PCDH9: variants seen among roughly 807,000 people sequenced by gnomAD.
The protein encoded by PCDH9 is protocadherin-9.
PCDH9 carries 24 observed loss-of-function variants against 70.6 expected under a neutral mutation model. That is an observed-to-expected ratio of 0.34 (90% CI 0.25 to 0.48). The LOEUF (loss-of-function observed/expected upper bound fraction) is 0.48. PCDH9 is among the 20% of genes least tolerant of loss of function. The pLI is 0.99. For synonymous variants in PCDH9, 562 were observed against 558.5 expected (o/e 1.01, Z -0.09); for missense variants, 1,281 against 1,503.6 (o/e 0.85, Z 2.45).
chr13:66,511,421 C>A (rs1355259172), intron 4 of PCDH9, among the ~76,000 whole-genome samples: 1 of 152,110 alleles, frequency 6.6e-6, no homozygotes, highest in East Asian at 1.9e-4. Context: ...ATCACACATA[C>A]CTCATGGGAT....
In PCDH9 at chr13:66,623,936, C is replaced by G. The variant is rs1287524897; in HGVS notation, c.3340+7274G>C. Among the ~76,000 whole-genome samples the G allele has an allele frequency of 3.3e-5, 5 of 152,110 alleles. No homozygotes were observed. The East Asian group carries it at 9.6e-4, about 29-fold the overall frequency. ...AAACTATACTCAGTGAGAAGTTCATCAACTGATTAGTAACATAGTCTAGAT... is the reference window on the plus strand; with the variant it reads ...AAACTATACTCAGTGAGAAGTTCATGAACTGATTAGTAACATAGTCTAGAT... On this transcript the variant is annotated intron_variant, in intron 4 of 4. Coordinates refer to ENST00000377865, the MANE Select transcript of PCDH9 (RefSeq NM_203487.3).
chr13:66,580,398 T>A (rs996294269), intron 4 of PCDH9, among the ~76,000 whole-genome samples: 1 of 151,998 alleles, frequency 6.6e-6, no homozygotes, highest in Admixed American at 6.6e-5. Context: ...CCTGGGAAAT[T>A]GCCAATAAAT....
At position 66,335,810 on chromosome 13, in the gene PCDH9, C is replaced by A. The variant is rs533513038; in HGVS notation, c.3341-30782G>T. 9.9e-5 allele frequency among the ~76,000 whole-genome samples: 15 copies of A among 152,196 alleles called. No individual in the cohort carries two copies. The East Asian group carries it at 2.9e-3, about 29-fold the overall frequency. On this transcript the variant is annotated intron_variant, in intron 4 of 4. Coordinates refer to ENST00000377865, the MANE Select transcript of PCDH9 (RefSeq NM_203487.3). ...TAAATAAGAGGAACTTGACTATTTT[C>A]TTCATAAACCAGTAACATATTAGTA...
intron 2 of PCDH9, among the ~76,000 whole-genome samples, chr13:67,129,484 G>A (rs1189490729): frequency 6.6e-6 from 1 of 151,972 alleles, no homozygotes; most frequent in Non-Finnish European, 1.5e-5. Flanking sequence ...TTGAGTCCAG[G>A]ATTTTTGGGC....
chr13:66,825,808 G>A (rs117167904), intron 3 of PCDH9, among the ~76,000 whole-genome samples: 209 of 152,166 alleles, frequency 1.4e-3, no homozygotes, highest in Non-Finnish European at 1.7e-3. Context: ...CAAGAATATG[G>A]CTGATAGACA....
chr13:67,212,085 A>G (rs1338142065), intron 2 of PCDH9: 1 of 152,132 alleles, frequency 6.6e-6, no homozygotes, highest in Non-Finnish European at 1.5e-5. Flanking sequence ...AAAAAAATGA[A>G]GTTTTACTTG....
intron 4 of PCDH9, among the ~76,000 whole-genome samples, chr13:66,564,151 A>G (rs1484207560): frequency 1.3e-5 from 2 of 152,060 alleles, no homozygotes; most frequent in Non-Finnish European, 2.9e-5. Context: ...CACTTGTTTC[A>G]ATGTTTTATG....
At chr13:67,168,689 C>A (rs1282497744) in intron 2 of PCDH9, among the ~76,000 whole-genome samples, 1 of 152,148 alleles carries the variant, frequency 6.6e-6, no homozygotes, top group African/African-American at 2.4e-5. Context: ...TGTGTTCAGG[C>A]CACTGCAGTC....
chr13:67,194,161 G>T (rs777329534), intron 2 of PCDH9, among the ~76,000 whole-genome samples: 91 of 152,070 alleles, frequency 6.0e-4, no homozygotes, highest in Non-Finnish European at 9.0e-4. Flanking sequence ...TGCCAATTTT[G>T]TGCCAGATAC....
intron 2 of PCDH9, among the ~76,000 whole-genome samples, chr13:67,036,561 A>T (rs973640493): frequency 6.6e-6 from 1 of 152,206 alleles, no homozygotes; most frequent in African/African-American, 2.4e-5. Flanking sequence ...TGAAATGAAC[A>T]GTAGTAGATA....
At position 66,355,605 on chromosome 13, in the gene PCDH9, T is replaced by C. The variant is rs914853595; in HGVS notation, c.3341-50577A>G. On this transcript the variant is annotated intron_variant, in intron 4 of 4. Coordinates refer to ENST00000377865, the MANE Select transcript of PCDH9 (RefSeq NM_203487.3). ...GAGCACATGTGTTAGATCAGCTTTGTTCAGGCATGAGCTATCGTACTGTTG... is the reference window on the plus strand; with the variant it reads ...GAGCACATGTGTTAGATCAGCTTTGCTCAGGCATGAGCTATCGTACTGTTG... 5.9e-5 allele frequency among the ~76,000 whole-genome samples: 9 copies of C among 152,140 alleles called. No individual in the cohort carries two copies. The East Asian group carries it at 1.7e-3, about 29-fold the overall frequency.
At chr13:66,498,151 A>T (rs4884676) in intron 4 of PCDH9, among the ~76,000 whole-genome samples, 111,524 of 141,988 alleles carry the variant, frequency 0.79, 42,267 homozygotes, top group East Asian at 0.91. Context: ...TATTATTATT[A>T]TTTTTTTTTT....
Position 66,797,443 on chromosome 13 carries a change from C to T in PCDH9, c.3138+106061G>A, listed in dbSNP as rs565427395. Among the ~76,000 whole-genome samples the T allele has an allele frequency of 1.4e-4, 21 of 152,270 alleles. No homozygotes were observed. In the East Asian group the frequency reaches 2.1e-3, roughly 15 times the overall value. On this transcript the variant is annotated intron_variant, in intron 3 of 4. Coordinates refer to ENST00000377865, the MANE Select transcript of PCDH9 (RefSeq NM_203487.3). ...TCTTTCAGTTGTTCATCTTTGTCTG[C>T]TTTACGGTTATTAGAGAATAAATTC...
chr13:66,882,299 A>C (rs905488589), intron 3 of PCDH9, among the ~76,000 whole-genome samples: 1 of 152,142 alleles, frequency 6.6e-6, no homozygotes, highest in Non-Finnish European at 1.5e-5. Context: ...CTTCTCCTCC[A>C]TAAATAATAT....
chr13:66,435,420 A>C (rs1055553020), intron 4 of PCDH9, among the ~76,000 whole-genome samples: 1 of 152,178 alleles, frequency 6.6e-6, no homozygotes, highest in Non-Finnish European at 1.5e-5. Flanking sequence ...CAAAGCTAGT[A>C]ATTCAATATA....
intron 2 of PCDH9, among the ~76,000 whole-genome samples, chr13:67,138,135 C>T (rs1451175256): frequency 6.6e-6 from 1 of 152,040 alleles, no homozygotes; most frequent in South Asian, 2.1e-4. Flanking sequence ...GTTTTGAATT[C>T]TATCTTTACT....
chr13:66,602,676 A>G lies in PCDH9; in HGVS notation c.3340+28534T>C, dbSNP rs77969208. On this transcript the variant is annotated intron_variant, in intron 4 of 4. Transcript: ENST00000377865. ...TGAAGAAAGAAAAAAAATTTAAATA[A>G]GTTCAGTGCGGCCTAAGTGTATATT... Among the ~76,000 whole-genome samples, 34 of 145,850 alleles carry G rather than the reference A, an allele frequency of 2.3e-4. No homozygotes were observed. The East Asian group carries it at 4.8e-3, about 21-fold the overall frequency.
intron 2 of PCDH9, among the ~76,000 whole-genome samples, chr13:67,199,094 G>T (rs936120964): frequency 1.3e-5 from 2 of 151,244 alleles, no homozygotes; most frequent in Admixed American, 1.3e-4. Flanking sequence ...ATAAATTGTA[G>T]GTTTTTTCAG....
At position 67,226,056 on chromosome 13, in the gene PCDH9, C is replaced by A; in HGVS notation, c.2385G>T (p.Pro795=). Residue 795 remains proline, a synonymous_variant, in exon 2 of 5, where the codon CCG becomes CCT. Transcript: ENST00000377865. This position sits in a 1 kb window ranked among gnomAD's most constrained non-coding sequence, Gnocchi z 5.0. ...YDLIRRTMET[P]LDRNIGDSSQ... ...TACTATCCCCTATGTTCCTGTCCAA[C>A]GGGGTCTCCATAGTCCTGCGGATCA... The A allele has an allele frequency of 6.2e-7, 1 of 1,614,054 alleles. No individual in the cohort carries two copies. The highest frequency in any genetic ancestry group is 1.1e-5 in the South Asian group (1 of 91,080).
Sources: allele counts gnomAD v4.1 joint callset (sites outside exome capture counted in the v4.1 genomes callset), GRCh38; gene constraint gnomAD v4.1.1; non-coding constraint Gnocchi (gnomAD v3.1); transcripts MANE v1.5; gene names NCBI Gene and HGNC (gene_info 2026-07-23, HGNC 2026-07-21).